CELF4: variants seen among roughly 807,000 people sequenced by gnomAD.
CELF4 encodes the protein CUGBP Elav-like family member 4, also known as CUG-BP- and ETR-3-like factor 4.
CELF4 carries 18 observed loss-of-function variants against 59.9 expected under a neutral mutation model. That is an observed-to-expected ratio of 0.30 (90% CI 0.21 to 0.45). The LOEUF is 0.45. CELF4 is among the 20% of genes least tolerant of loss of function. The pLI, the probability that CELF4 is intolerant of heterozygous loss-of-function variation, is 1.00. For synonymous variants in CELF4, 261 were observed against 267.1 expected, an observed-to-expected ratio of 0.98 and a Z score of 0.22; for missense variants, 456 against 689.0, an observed-to-expected ratio of 0.66 and a Z score of 3.79.
rs370078175 is a variant in CELF4, at chr18:37,279,033, C to T, written c.449-3790G>A. Among the ~76,000 whole-genome samples the T allele has an allele frequency of 3.3e-5, 5 of 152,138 alleles. No individual in the cohort carries two copies. The East Asian group carries it at 9.7e-4, about 30-fold the overall frequency. On this transcript the variant is annotated intron_variant, in intron 3 of 12. Coordinates refer to ENST00000420428, the MANE Select transcript of CELF4 (RefSeq NM_020180.4). Reference sequence around the variant, plus strand: ...TCTGTTTCCCCAGCCCGTGCCCACCCTCCTCCTCCATCCACACAGCCCCTG... The same window carrying T: ...TCTGTTTCCCCAGCCCGTGCCCACCTTCCTCCTCCATCCACACAGCCCCTG...
intron 2 of CELF4, among the ~76,000 whole-genome samples, chr18:37,414,297 C>T (rs1382872637): frequency 6.6e-6 from 1 of 151,752 alleles, no homozygotes; most frequent in East Asian, 1.9e-4. Flanking sequence ...TACTCTTCCA[C>T]TCACCCATCT....
intron 3 of CELF4, among the ~76,000 whole-genome samples, chr18:37,312,669 C>G (rs985465304): frequency 1.3e-5 from 2 of 152,110 alleles, no homozygotes; most frequent in East Asian, 3.9e-4. Flanking sequence ...AGTTGTTTTA[C>G]TTCTTAAAAA....
chr18:37,312,714 C>T (rs1420014146), intron 3 of CELF4, among the ~76,000 whole-genome samples: 1 of 152,142 alleles, frequency 6.6e-6, no homozygotes, highest in Non-Finnish European at 1.5e-5. Flanking sequence ...GAGACAGACT[C>T]ATAGGGTAGG....
intron 3 of CELF4, among the ~76,000 whole-genome samples, chr18:37,286,715 A>G (rs1026043775): frequency 3.9e-5 from 6 of 152,100 alleles, no homozygotes; most frequent in African/African-American, 1.2e-4. Flanking sequence ...GAGGAGTCAC[A>G]CTGGAATGAA....
chr18:37,274,544 T>C (rs1369371043), intron 5 of CELF4, 90 bp from the exon 6 acceptor site: 1 of 1,596,270 alleles, frequency 6.3e-7, no homozygotes, highest in East Asian at 2.2e-5. Flanking sequence ...CCCCGCCCGC[T>C]CCTCGGGGCG....
intron 1 of CELF4, among the ~76,000 whole-genome samples, chr18:37,541,305 C>T (rs1189603168): frequency 7.2e-5 from 11 of 151,976 alleles, no homozygotes; most frequent in Admixed American, 4.6e-4. Context: ...TCCCAGTAAA[C>T]GGCCCCACTC....
chr18:37,480,778 AGTGTT>A (rs914948368), intron 2 of CELF4, among the ~76,000 whole-genome samples: 2 of 152,068 alleles, frequency 1.3e-5, no homozygotes, highest in Non-Finnish European at 2.9e-5. Context: ...AAAAGAAGAA[AGTGTT>A]GGTGAGAGAG....
intron 2 of CELF4, among the ~76,000 whole-genome samples, chr18:37,338,482 T>C (rs72885319): frequency 0.18 from 26,648 of 151,756 alleles, 2,667 homozygotes; most frequent in South Asian, 0.23. Context: ...GTAAAAAATA[T>C]TGCTTAGCTC....
At chr18:37,289,019 T>G (rs954905301) in intron 3 of CELF4, among the ~76,000 whole-genome samples, 1 of 152,154 alleles carries the variant, frequency 6.6e-6, no homozygotes, top group Non-Finnish European at 1.5e-5. Context: ...TATTCACCAC[T>G]CAGTCCGGCA....
chr18:37,269,639 G>A (rs1166044151), intron 8 of CELF4, among the ~76,000 whole-genome samples: 3 of 152,122 alleles, frequency 2.0e-5, no homozygotes, highest in Non-Finnish European at 4.4e-5. Flanking sequence ...GGTGTTCCCT[G>A]TTCATCTTCA....
At chr18:37,389,242 T>C (rs1205138015) in intron 2 of CELF4, among the ~76,000 whole-genome samples, 1 of 152,104 alleles carries the variant, frequency 6.6e-6, no homozygotes. Flanking sequence ...GACATTCAAA[T>C]TACTGATACC....
intron 2 of CELF4, among the ~76,000 whole-genome samples, chr18:37,390,947 C>T (rs573954476): frequency 1.1e-4 from 17 of 152,202 alleles, no homozygotes; most frequent in African/African-American, 2.4e-4. Context: ...GAGGGGCAGC[C>T]GCTGCAGGGA....
At chr18:37,308,871 G>A (rs1253393201) in intron 3 of CELF4, among the ~76,000 whole-genome samples, 1 of 152,132 alleles carries the variant, frequency 6.6e-6, no homozygotes, top group Admixed American at 6.5e-5. Context: ...TCTCAACCTG[G>A]GCATACATGG....
chr18:37,564,709 G>A (rs1238373971), intron 1 of CELF4, among the ~76,000 whole-genome samples: 1 of 151,778 alleles, frequency 6.6e-6, no homozygotes, highest in African/African-American at 2.4e-5. Context: ...CTTGCCTTAG[G>A]TTTTATCACT....
intron 2 of CELF4, among the ~76,000 whole-genome samples, chr18:37,405,755 G>C (rs749492161): frequency 6.6e-6 from 1 of 152,174 alleles, no homozygotes. Context: ...AGGGCGGTGG[G>C]CTTTGGCTGT....
At chr18:37,430,632 G>A (rs561745284) in intron 2 of CELF4, among the ~76,000 whole-genome samples, 1 of 152,370 alleles carries the variant, frequency 6.6e-6, no homozygotes, top group East Asian at 1.9e-4. Context: ...ATGACAGGCT[G>A]CAGAAGCAGT....
intron 1 of CELF4, among the ~76,000 whole-genome samples, chr18:37,522,537 G>C (rs1267574589): frequency 6.6e-6 from 1 of 152,066 alleles, no homozygotes; most frequent in African/African-American, 2.4e-5. Flanking sequence ...ACACACACAC[G>C]TGTGCATGTC....
At chr18:37,450,206 G>A (rs184608356) in intron 2 of CELF4, among the ~76,000 whole-genome samples, 16 of 151,926 alleles carry the variant, frequency 1.1e-4, no homozygotes, top group Admixed American at 6.5e-4. Context: ...GTATATTTTC[G>A]TATGTGTGTT....
chr18:37,445,064 T>C (rs543993134), intron 2 of CELF4, among the ~76,000 whole-genome samples: 1 of 152,212 alleles, frequency 6.6e-6, no homozygotes, highest in Admixed American at 6.5e-5. Flanking sequence ...TGGTGCACTT[T>C]TTAAAGACAT....
Sources: allele counts gnomAD v4.1 joint callset (sites outside exome capture counted in the v4.1 genomes callset), GRCh38; gene constraint gnomAD v4.1.1; transcripts MANE v1.5; gene names NCBI Gene and HGNC (gene_info 2026-07-23, HGNC 2026-07-21).